DOCK1: variants seen among roughly 807,000 people sequenced by gnomAD.
The protein encoded by DOCK1 is dedicator of cytokinesis protein 1.
Under a neutral mutation model 262.7 loss-of-function variants are expected in DOCK1, and 138 were observed. The observed-to-expected ratio is 0.53, with a 90% CI of 0.46 to 0.61. The LOEUF is 0.61. DOCK1 is among the 20% of genes least tolerant of loss of function. The probability of loss-of-function intolerance (pLI) is 0.00; values close to 1 mark genes in which losing one functional copy is unlikely to be tolerated. For synonymous variants in DOCK1, 866 were observed against 867.4 expected (o/e 1.00, Z 0.03); for missense variants, 1,908 against 2,370.7 (o/e 0.80, Z 4.05).
chr10:127,013,955 G>A lies in DOCK1; in HGVS notation c.1201+1581G>A, dbSNP rs529682293. ...ACCGGCGCTCATTTTATCACCAGCA[G>A]CCCAGGCTTAACCTGATCCTTGCTT... is the stretch of plus-strand genomic sequence containing the variant. On this transcript the variant is annotated intron_variant, in intron 12 of 51. Coordinates refer to ENST00000623213, the MANE Select transcript of DOCK1 (RefSeq NM_001290223.2). 7.2e-5 allele frequency among the ~76,000 whole-genome samples: 11 copies of A among 152,344 alleles called. No homozygotes were observed. In the East Asian group the frequency reaches 2.1e-3, roughly 29 times the overall value.
chr10:127,391,778 G>C (rs1200902620), intron 38 of DOCK1, among the ~76,000 whole-genome samples: 1 of 151,876 alleles, frequency 6.6e-6, no homozygotes, highest in Non-Finnish European at 1.5e-5. Context: ...CTCTCACCTG[G>C]GTCTGTCTGA....
intron 1 of DOCK1, among the ~76,000 whole-genome samples, chr10:126,969,825 A>G (rs2134663496): frequency 6.6e-6 from 1 of 151,952 alleles, no homozygotes; most frequent in African/African-American, 2.4e-5. Flanking sequence ...AATTTTAGAG[A>G]ATTTTAGAGG....
intron 1 of DOCK1, among the ~76,000 whole-genome samples, chr10:126,950,694 C>T (rs1350512644): frequency 6.6e-6 from 1 of 152,136 alleles, no homozygotes; most frequent in Non-Finnish European, 1.5e-5. Context: ...GCAGCATGCC[C>T]TCCTTCCTCC....
intron 25 of DOCK1, among the ~76,000 whole-genome samples, chr10:127,114,052 C>T (rs1281091220): frequency 6.6e-6 from 1 of 152,212 alleles, no homozygotes; most frequent in East Asian, 1.9e-4. Context: ...GATTGCCCTG[C>T]TTAAAAAGCC....
intron 27 of DOCK1, among the ~76,000 whole-genome samples, chr10:127,226,478 T>C (rs1164812590): frequency 4.8e-5 from 7 of 145,916 alleles, no homozygotes; most frequent in Non-Finnish European, 3.0e-5. Flanking sequence ...GCACAGTGGC[T>C]CACACCTGTC....
intron 1 of DOCK1, among the ~76,000 whole-genome samples, chr10:126,934,747 G>GTTTTTTTTTTTTTTT (rs1166445414): frequency 1.5e-4 from 16 of 107,446 alleles, no homozygotes; most frequent in African/African-American, 3.2e-4. Context: ...GAATTTACGA[G>GTTTTTTTTTTTTTTT]TTTTTTTTTT....
intron 29 of DOCK1, among the ~76,000 whole-genome samples, chr10:127,329,826 G>A (rs1590487414): frequency 6.6e-6 from 1 of 152,174 alleles, no homozygotes; most frequent in East Asian, 1.9e-4. Flanking sequence ...GTAGTGGAGA[G>A]TAGAGGGAGA....
intron 32 of DOCK1, among the ~76,000 whole-genome samples, chr10:127,357,838 A>G (rs995396776): frequency 6.6e-6 from 1 of 152,140 alleles, no homozygotes; most frequent in South Asian, 2.1e-4. Flanking sequence ...ATCCTCCCCA[A>G]GCAGCCCCTC....
intron 12 of DOCK1, 99 bp from the exon 13 acceptor site, chr10:127,018,611 G>A: frequency 6.4e-7 from 1 of 1,564,678 alleles, no homozygotes; most frequent in Non-Finnish European, 8.7e-7. Context: ...ATGTTGAATT[G>A]TGAATTAAAA....
intron 1 of DOCK1, among the ~76,000 whole-genome samples, chr10:126,944,223 G>A (rs2035226592): frequency 6.6e-6 from 1 of 151,852 alleles, no homozygotes; most frequent in Non-Finnish European, 1.5e-5. Context: ...GGAGGGAAGT[G>A]TCTAGGCCTG....
intron 18 of DOCK1, among the ~76,000 whole-genome samples, chr10:127,032,626 T>C (rs2135537529): frequency 6.6e-6 from 1 of 151,798 alleles, no homozygotes; most frequent in East Asian, 1.9e-4. Context: ...TGATCTCAAC[T>C]CACTCCAGCC....
At chr10:126,980,806 C>T (rs1201468933) in intron 3 of DOCK1, among the ~76,000 whole-genome samples, 4 of 152,164 alleles carry the variant, frequency 2.6e-5, no homozygotes, top group African/African-American at 9.7e-5. Flanking sequence ...ATTTCTGCTG[C>T]ATGCACTAAA....
intron 27 of DOCK1, among the ~76,000 whole-genome samples, chr10:127,244,831 A>G (rs980929648): frequency 5.9e-5 from 9 of 152,182 alleles, no homozygotes; most frequent in Admixed American, 3.3e-4. Flanking sequence ...ATGGTTCTGC[A>G]CAGTGGCTTT....
chr10:127,384,340 T>C (rs1045010322), intron 37 of DOCK1, among the ~76,000 whole-genome samples: 5 of 152,188 alleles, frequency 3.3e-5, no homozygotes, highest in Non-Finnish European at 7.4e-5. Flanking sequence ...CTCCCCATCT[T>C]TAAGGAGCTT....
At chr10:127,195,259 C>T (rs1265049017) in intron 27 of DOCK1, among the ~76,000 whole-genome samples, 1 of 152,162 alleles carries the variant, frequency 6.6e-6, no homozygotes, top group Non-Finnish European at 1.5e-5. Context: ...GGGCTGCCCG[C>T]GGGCTCCCTC....
At chr10:126,948,215 A>ATGG (rs1277487831) in intron 1 of DOCK1, among the ~76,000 whole-genome samples, 1 of 35,126 alleles carries the variant, frequency 2.8e-5, no homozygotes, top group Non-Finnish European at 5.8e-5. Flanking sequence ...GTTGGTGGTG[A>ATGG]TGGTGGTGGT....
In DOCK1 at chr10:126,995,424, C is replaced by T. The variant is rs1439046986; in HGVS notation, c.474-1324C>T. On this transcript the variant is annotated intron_variant, in intron 6 of 51. Coordinates refer to ENST00000623213, the MANE Select transcript of DOCK1 (RefSeq NM_001290223.2). The surrounding 1 kb of genome is among the most constrained non-coding windows in gnomAD (Gnocchi z 5.8). ...GAGGCTGAGGCTGGCAGATCACTCA[C>T]GGTCAGGAGCTGGAGACCAGCCGGG... Among the ~76,000 whole-genome samples the T allele has an allele frequency of 1.3e-5, 2 of 152,178 alleles. No individual in the cohort carries two copies. The highest frequency in any genetic ancestry group is 2.4e-5 in the African/African-American group (1 of 41,452).
rs779453508 is a variant in DOCK1 at position 127,262,030 on chromosome 10, ATGTGTG to A, written c.3044+4613_3044+4618del. ...TGTTTGTGTACCTGCATGTGTGTGC[ATGTGTG>A]TGTGTGTGTGTACCTGTGCTCTTCT... On this transcript the variant is annotated intron_variant, in intron 29 of 51. Coordinates refer to ENST00000623213, the MANE Select transcript of DOCK1 (RefSeq NM_001290223.2). 0.022 allele frequency among the ~76,000 whole-genome samples: 948 copies of A among 43,716 alleles called. 32 individuals carry two copies. The East Asian group carries it at 0.22, about 10-fold the overall frequency. The allele number at this position is 43,716 out of a possible 152,430, so 28.7% of individuals were successfully genotyped here. A position where few individuals can be genotyped will look rare whatever the true frequency, so the allele number is the denominator to read the frequency against.
At chr10:127,401,799 C>A (rs1293101489) in intron 38 of DOCK1, among the ~76,000 whole-genome samples, 1 of 152,222 alleles carries the variant, frequency 6.6e-6, no homozygotes, top group Non-Finnish European at 1.5e-5. Context: ...CCTCTCCTGC[C>A]CCGCTCATGC....
Sources: allele counts gnomAD v4.1 joint callset (sites outside exome capture counted in the v4.1 genomes callset), GRCh38; gene constraint gnomAD v4.1.1; non-coding constraint Gnocchi (gnomAD v3.1); transcripts MANE v1.5; gene names NCBI Gene and HGNC (gene_info 2026-07-23, HGNC 2026-07-21).